Variants in KCNN2 observed in about 807,000 individuals in gnomAD.
KCNN2 encodes potassium calcium-activated channel subfamily N member 2.
KCNN2 carries 24 observed loss-of-function variants against 55.5 expected under a neutral mutation model. That is an observed-to-expected ratio of 0.43 (90% confidence interval 0.31 to 0.61). The LOEUF is 0.61. Ranked by LOEUF, KCNN2 falls within the 20% of genes least tolerant of loss-of-function variation. The probability of loss-of-function intolerance (pLI) is 0.08; values close to 1 mark genes in which losing one functional copy is unlikely to be tolerated. For missense variants in KCNN2, 754 were observed against 853.6 expected, an observed-to-expected ratio of 0.88 and a Z score of 1.45; for synonymous variants, 431 against 336.1, an observed-to-expected ratio of 1.28 and a Z score of -3.09.
rs144992669 is a variant in KCNN2 at position 114,344,019 on chromosome 5, T to C, written c.-184-16926T>C. On this transcript the variant is annotated intron_variant, in intron 2 of 10. Coordinates refer to the KCNN2 transcript ENST00000512097. The stretch of plus-strand genomic sequence containing the variant: ...TATATTTAATTCTTTAAACATGCAC[T>C]GGAACTGAAACTAACATTGTCTTCC... Among the ~76,000 whole-genome samples, 517 of 152,336 alleles carry C rather than the reference T, an allele frequency of 3.4e-3. 1 individual carries two copies. The highest frequency in any genetic ancestry group is 0.011 in the African/African-American group (451 of 41,564).
chr5:114,350,117 A>G (rs1187101621), intron 2 of KCNN2, among the ~76,000 whole-genome samples: 2 of 151,798 alleles, frequency 1.3e-5, no homozygotes, highest in African/African-American at 2.4e-5. Context: ...TTTTTAAATT[A>G]TTTTTATTTG....
intron 2 of KCNN2, among the ~76,000 whole-genome samples, chr5:114,270,298 A>C (rs962223853): frequency 6.6e-6 from 1 of 152,206 alleles, no homozygotes; most frequent in Admixed American, 6.6e-5. Context: ...TACGGGTAAC[A>C]ATCCTGACAT....
chr5:114,186,157 A>G (rs1219639212), intron 1 of KCNN2, among the ~76,000 whole-genome samples: 1 of 152,136 alleles, frequency 6.6e-6, no homozygotes, highest in Admixed American at 6.5e-5. Context: ...TCAGTGGAAA[A>G]TTACACTTTA....
intron 2 of KCNN2, among the ~76,000 whole-genome samples, chr5:114,315,168 G>A (rs1464053938): frequency 6.6e-6 from 1 of 152,102 alleles, no homozygotes. Context: ...CCATTCTTCT[G>A]TTCTTCTGTG....
intron 1 of KCNN2, among the ~76,000 whole-genome samples, chr5:114,104,731 C>T (rs549671709): frequency 3.9e-5 from 6 of 151,964 alleles, no homozygotes; most frequent in Non-Finnish European, 8.8e-5. Context: ...GGGCCGCCTA[C>T]CTCAGAATGG....
chr5:114,159,739 T>G (rs1192731964), intron 1 of KCNN2, among the ~76,000 whole-genome samples: 1 of 152,220 alleles, frequency 6.6e-6, no homozygotes, highest in Non-Finnish European at 1.5e-5. Flanking sequence ...TGGGAGGGTG[T>G]ATGTGTCGAG....
At chr5:114,067,792 T>C (rs1580480004) in intron 1 of KCNN2, among the ~76,000 whole-genome samples, 1 of 152,222 alleles carries the variant, frequency 6.6e-6, no homozygotes, top group East Asian at 1.9e-4. Flanking sequence ...TTTGCTCCAA[T>C]TTAATTTGAG....
Position 114,339,818 on chromosome 5 carries a change from T to TAAATAAAC in KCNN2, c.-184-21120_-184-21119insCAAATAAA, listed in dbSNP as rs1303610913. ...ACCTTATCACAAACAAACAAACAAATAAATAAATAAATAAATAAATAAATA... is the reference window on the plus strand; with the variant it reads ...ACCTTATCACAAACAAACAAACAAATAAATAAACAAATAAATAAATAAATAAATAAATA... On this transcript the variant is annotated intron_variant, in intron 2 of 10. Coordinates refer to the KCNN2 transcript ENST00000512097. Among the ~76,000 whole-genome samples the TAAATAAAC allele has an allele frequency of 1.3e-3, 189 of 140,508 alleles. 2 individuals carry two copies. The East Asian group carries it at 0.021, about 16-fold the overall frequency. The allele number at this position is 140,508 out of a possible 152,430, so 92.2% of individuals were successfully genotyped here. A position where few individuals can be genotyped will look rare whatever the true frequency, so the allele number is the denominator to read the frequency against.
chr5:114,272,413 C>CA (rs77230453), intron 2 of KCNN2, among the ~76,000 whole-genome samples: 592 of 23,114 alleles, frequency 0.026, 76 homozygotes, highest in African/African-American at 0.039. Flanking sequence ...ATGTACATAT[C>CA]TACACACATA....
At chr5:114,357,957 A>G (rs1288272723), upstream of KCNN2, among the ~76,000 whole-genome samples, 8 of 150,122 alleles carry the variant, frequency 5.3e-5, no homozygotes, top group Non-Finnish European at 1.0e-4. Context: ...CCTCTCCAGC[A>G]CCTGTTGTTT....
At chr5:114,228,021 T>C (rs1754274744) in intron 2 of KCNN2, among the ~76,000 whole-genome samples, 1 of 48,980 alleles carries the variant, frequency 2.0e-5, no homozygotes, top group South Asian at 7.2e-4. Context: ...ATGATGATGA[T>C]GATGATGATG....
chr5:114,085,509 G>GA (rs942371760), intron 1 of KCNN2, among the ~76,000 whole-genome samples: 1 of 151,780 alleles, frequency 6.6e-6, no homozygotes, highest in Admixed American at 6.6e-5. Flanking sequence ...GGTATATCAG[G>GA]AAAAAATTCA....
At chr5:114,364,135 C>A in intron 2 of KCNN2, 134 bp downstream of exon 2, 1 of 651,638 alleles carries the variant, frequency 1.5e-6, no homozygotes, top group Non-Finnish European at 2.7e-6. Flanking sequence ...TGTATTGTTA[C>A]CGTTAGCACC....
chr5:114,189,476 C>A (rs1310659331), intron 1 of KCNN2, among the ~76,000 whole-genome samples: 2 of 152,136 alleles, frequency 1.3e-5, no homozygotes, highest in Non-Finnish European at 2.9e-5. Context: ...AAATGTTGAT[C>A]TTGTCCAAAA....
chr5:114,296,186 T>A (rs1210392415), intron 2 of KCNN2, among the ~76,000 whole-genome samples: 5 of 152,192 alleles, frequency 3.3e-5, no homozygotes, highest in Admixed American at 3.3e-4. Flanking sequence ...ATCAGATAAA[T>A]AAATAGTTTT....
intron 2 of KCNN2, among the ~76,000 whole-genome samples, chr5:114,398,481 GT>G (rs1467024049): frequency 1.4e-5 from 2 of 141,746 alleles, no homozygotes; most frequent in Non-Finnish European, 3.0e-5. Flanking sequence ...TTCCAGTATT[GT>G]TGTTTTTTTT....
At chr5:114,210,155 C>T (rs1364000361) in intron 1 of KCNN2, among the ~76,000 whole-genome samples, 3 of 152,174 alleles carry the variant, frequency 2.0e-5, no homozygotes, top group Non-Finnish European at 4.4e-5. Flanking sequence ...TCTAAACTGG[C>T]TCCCAAGCCT....
chr5:114,335,320 G>A (rs1374181807), intron 2 of KCNN2, among the ~76,000 whole-genome samples: 1 of 152,008 alleles, frequency 6.6e-6, no homozygotes, highest in African/African-American at 2.4e-5. Flanking sequence ...TCCTACAAAA[G>A]TTGTAACAAA....
At chr5:114,058,895 G>A (rs978755303) in intron 1 of KCNN2, among the ~76,000 whole-genome samples, 7 of 152,192 alleles carry the variant, frequency 4.6e-5, no homozygotes, top group Admixed American at 1.3e-4. Flanking sequence ...ATGGCAGGAC[G>A]TGACTGTGTT....
Sources: gnomAD v4.1 joint callset for allele counts (sites outside exome capture counted in the v4.1 genomes callset) on GRCh38, gnomAD v4.1.1 for gene constraint, MANE v1.5 for transcripts, NCBI Gene and HGNC (gene_info 2026-07-23, HGNC 2026-07-21) for gene names.